Variants in ARHGEF19 observed in about 807,000 individuals in gnomAD.
ARHGEF19 encodes the protein Rho guanine nucleotide exchange factor (GEF) 19.
In ARHGEF19, 92 loss-of-function variants were observed where a neutral mutation model predicts 87.6. The observed-to-expected ratio is 1.05, with a 90% CI of 0.89 to 1.25. The LOEUF (loss-of-function observed/expected upper bound fraction) is 1.25. ARHGEF19 is among the 50% of genes most tolerant of loss of function. ARHGEF19 has a pLI of 0.00. For synonymous variants in ARHGEF19, 438 were observed against 446.2 expected (o/e 0.98, Z 0.23); for missense variants, 1,054 against 1,051.8 (o/e 1.00, Z -0.03).
At chr1:16,204,393 C>T (rs527361549) in intron 12 of ARHGEF19, among the ~76,000 whole-genome samples, 1 of 152,302 alleles carries the variant, frequency 6.6e-6, no homozygotes, top group South Asian at 2.1e-4. Context: ...AGGGAATAAT[C>T]CACGTAGCAT....
intron 1 of ARHGEF19, among the ~76,000 whole-genome samples, chr1:16,210,941 G>T (rs2081191722): frequency 6.6e-6 from 1 of 152,122 alleles, no homozygotes; most frequent in Admixed American, 6.5e-5. Flanking sequence ...CAGTCTCTCT[G>T]CACAGCTTCT....
intron 1 of ARHGEF19, among the ~76,000 whole-genome samples, chr1:16,209,409 C>T (rs749723350): frequency 3.9e-5 from 6 of 152,120 alleles, no homozygotes; most frequent in Non-Finnish European, 7.4e-5. Context: ...CTAACCTGGC[C>T]GTTCTAGCTT....
Position 16,206,106 on chromosome 1 carries a change from G to A in ARHGEF19, c.1299-23C>T. ...AACCTGAGGAGTCAGAGCCAGGATGGAGACCCCAGATCTGGGAGCTGGCCA... is the reference window on the plus strand; with the variant it reads ...AACCTGAGGAGTCAGAGCCAGGATGAAGACCCCAGATCTGGGAGCTGGCCA... On this transcript the variant is annotated intron_variant, in intron 7 of 15. Transcript: ENST00000270747. The surrounding 1 kb of genome is among the most constrained non-coding windows in gnomAD (Gnocchi z 4.6). 2 of 1,574,544 alleles carry A rather than the reference G, an allele frequency of 1.3e-6. No homozygotes were observed. Among genetic ancestry groups the A allele is most frequent in the South Asian group, 1.2e-5 (1 of 86,266 alleles).
Position 16,202,429 on chromosome 1 carries a change from G to T in ARHGEF19, c.2053C>A (p.Arg685=). ...GQHMKHQFLL[R]ARTESEKQRW... is the part of the protein sequence containing the mutation. Reference sequence around the variant, plus strand: ...AGGCCCACTCACTCCGTCCGGGCCCGCAGCAGGAACTGGTGCTTCATGTGC... The same window carrying T: ...AGGCCCACTCACTCCGTCCGGGCCCTCAGCAGGAACTGGTGCTTCATGTGC... The change falls in exon 13 of 16, where the codon CGG becomes AGG. Residue 685 remains arginine, a synonymous_variant. Coordinates refer to ENST00000270747, the MANE Select transcript of ARHGEF19 (RefSeq NM_153213.5). The T allele has an allele frequency of 6.2e-7, 1 of 1,613,346 alleles. No homozygotes were observed. Among genetic ancestry groups the T allele is most frequent in the Non-Finnish European group, 8.5e-7 (1 of 1,179,732 alleles).
intron 1 of ARHGEF19, 60 bp from the exon 2 acceptor site, chr1:16,209,143 C>T (rs556107806): frequency 6.2e-5 from 82 of 1,328,562 alleles, no homozygotes; most frequent in Non-Finnish European, 8.0e-5. Flanking sequence ...AGTAAGCCAC[C>T]ACCCCTGGAG....
In ARHGEF19 at chr1:16,206,844, C is replaced by A. The variant is rs1348768103; in HGVS notation, c.1137+104G>T. On this transcript the variant is annotated intron_variant, in intron 6 of 15. Coordinates refer to ENST00000270747, the MANE Select transcript of ARHGEF19 (RefSeq NM_153213.5). The surrounding 1 kb of genome is among the most constrained non-coding windows in gnomAD (Gnocchi z 4.6). ...CGCGCGGACAGTCGCGCCAGCAACC[C>A]CCTTTGTGTGTCCCCCTCCCTCTAT... The A allele has an allele frequency of 3.0e-6, 4 of 1,323,314 alleles. No individual in the cohort carries two copies. Among genetic ancestry groups the A allele is most frequent in the Non-Finnish European group, 9.8e-7 (1 of 1,024,988 alleles). The allele number at this position is 1,323,314 out of a possible 1,614,324, so 82.0% of individuals were successfully genotyped here. A position where few individuals can be genotyped will look rare whatever the true frequency, so the allele number is the denominator to read the frequency against.
In ARHGEF19 at chr1:16,205,537, C is replaced by T. The variant is rs750125988; in HGVS notation, c.1581+1G>A. The T allele has an allele frequency of 2.1e-5, 34 of 1,613,906 alleles. No individual in the cohort carries two copies. The highest frequency in any genetic ancestry group is 2.8e-5 in the Non-Finnish European group (33 of 1,179,978). Reference sequence around the variant, plus strand: ...CACTGTGGCCTGTCCCCTCGAGGTACCTCCACCAACATCTTGAGGCGGGTG... The same window carrying T: ...CACTGTGGCCTGTCCCCTCGAGGTATCTCCACCAACATCTTGAGGCGGGTG... On this transcript the variant is annotated splice_donor_variant, in intron 9 of 15. Transcript: ENST00000270747. LOFTEE classifies it high-confidence loss of function. This position sits in a 1 kb window ranked among gnomAD's most constrained non-coding sequence, Gnocchi z 5.8.
Position 16,206,024 on chromosome 1 carries a change from T to A in ARHGEF19, c.1358A>T (p.Asp453Val). The change falls in exon 8 of 16, where the codon GAC (aspartate) becomes GTC (valine). Residue 453 changes from aspartate to valine, a missense_variant. Asp to Val is a radical substitution (Grantham distance 152). Transcript: ENST00000270747. The surrounding 1 kb of genome is among the most constrained non-coding windows in gnomAD (Gnocchi z 4.6). Reference sequence around the variant, plus strand: ...GGCCGGGCAGTGGTCCAGCACCACGTCGCACACGCTGAAGCGCAGCACATC... The same window carrying A: ...GGCCGGGCAGTGGTCCAGCACCACGACGCACACGCTGAAGCGCAGCACATC... ...EADVLRFSVC[D>V]VVLDHCPAFR... is the part of the protein sequence containing the mutation. 1 of 1,599,444 alleles carries A rather than the reference T, an allele frequency of 6.3e-7. No individual in the cohort carries two copies.
intron 12 of ARHGEF19, among the ~76,000 whole-genome samples, chr1:16,204,361 A>T (rs2081106080): frequency 6.6e-6 from 1 of 152,170 alleles, no homozygotes; most frequent in Non-Finnish European, 1.5e-5. Context: ...CCTATTTCCC[A>T]GGGAGGTATT....
In ARHGEF19 at chr1:16,205,590, G is replaced by T. The variant is rs749315112; in HGVS notation, c.1529C>A (p.Ser510Tyr). Residue 510 changes from serine to tyrosine, a missense_variant, in exon 9 of 16, where the codon TCC becomes TAC. By Grantham distance (144) the Ser-to-Tyr change is moderately radical. Transcript: ENST00000270747. The surrounding 1 kb of genome is among the most constrained non-coding windows in gnomAD (Gnocchi z 5.8). ...SPVCQRLPLTSFLILPFQRIT... is the reference protein window; with the variant it reads ...SPVCQRLPLTYFLILPFQRIT... ...CCTCTGGAAGGGCAGGATAAGGAAG[G>T]AGGTAAGGGGCAGACGCTGGCACAC... 6.2e-7 allele frequency: 1 copy of T among 1,614,068 alleles called. No homozygotes were observed. Among genetic ancestry groups the T allele is most frequent in the East Asian group, 2.2e-5 (1 of 44,878 alleles).
Position 16,201,848 on chromosome 1 carries a change from G to A in ARHGEF19, c.2080C>T (p.Arg694Ter), listed in dbSNP as rs765929754. The A allele has an allele frequency of 1.3e-5, 21 of 1,613,594 alleles. No homozygotes were observed. The highest frequency in any genetic ancestry group is 4.0e-5 in the African/African-American group (3 of 74,904). The change falls in exon 14 of 16, where the codon CGA (arginine) becomes TGA (stop). Residue 694 changes from arginine to a stop codon, truncating the protein, a stop_gained. Transcript: ENST00000270747. LOFTEE classifies it high-confidence loss of function. ...GAGGGGCACAAGGCTGAGATCCATC[G>A]CTGCTTCTCACTTCTAGGGAAGGGG... ...LRARTESEKQ[R>*]WISALCPSSP...
At position 16,206,102 on chromosome 1, in the gene ARHGEF19, G is replaced by A. The variant is rs779447306; in HGVS notation, c.1299-19C>T. On this transcript the variant is annotated intron_variant, in intron 7 of 15. Transcript: ENST00000270747. The surrounding 1 kb of genome is among the most constrained non-coding windows in gnomAD (Gnocchi z 4.6). ...CAGGAACCTGAGGAGTCAGAGCCAG[G>A]ATGGAGACCCCAGATCTGGGAGCTG... 3.2e-6 allele frequency: 5 copies of A among 1,575,180 alleles called. No individual in the cohort carries two copies. In the South Asian group the frequency reaches 5.8e-5, roughly 18 times the overall value.
At chr1:16,211,518 AGAG>A (rs1408215664) in intron 1 of ARHGEF19, among the ~76,000 whole-genome samples, 2 of 152,240 alleles carry the variant, frequency 1.3e-5, no homozygotes, top group Non-Finnish European at 2.9e-5. Context: ...TTAAGGCTGC[AGAG>A]GAGAAGGCTA....
chr1:16,207,830 TG>T lies in ARHGEF19; in HGVS notation c.695-54del. Reference sequence around the variant, plus strand: ...GGGTCCAGAGAGTGGGCCTGGGGCCTGGGCCCCGGCCCAGGCACCCTGACGG... The same window carrying T: ...GGGTCCAGAGAGTGGGCCTGGGGCCTGGCCCCGGCCCAGGCACCCTGACGG... On this transcript the variant is annotated intron_variant, in intron 3 of 15. Coordinates refer to ENST00000270747, the MANE Select transcript of ARHGEF19 (RefSeq NM_153213.5). This position sits in a 1 kb window ranked among gnomAD's most constrained non-coding sequence, Gnocchi z 4.0. 6.3e-7 allele frequency: 1 copy of T among 1,596,128 alleles called. No homozygotes were observed. The highest frequency in any genetic ancestry group is 8.5e-7 in the Non-Finnish European group (1 of 1,171,520).
In ARHGEF19 at chr1:16,207,781, G is replaced by A; in HGVS notation, c.695-4C>T. The A allele has an allele frequency of 6.2e-7, 1 of 1,613,528 alleles. No homozygotes were observed. Among genetic ancestry groups the A allele is most frequent in the Non-Finnish European group, 8.5e-7 (1 of 1,180,002 alleles). ...GCCTCCATTCCAGATGCTTTCCCTGGAGAGGGCGAGAACTGAGGGTGGGGG... is the reference window on the plus strand; with the variant it reads ...GCCTCCATTCCAGATGCTTTCCCTGAAGAGGGCGAGAACTGAGGGTGGGGG... On this transcript the variant is annotated splice_region_variant and splice_polypyrimidine_tract_variant and intron_variant, in intron 3 of 15. Transcript: ENST00000270747. This position sits in a 1 kb window ranked among gnomAD's most constrained non-coding sequence, Gnocchi z 4.0.
At chr1:16,199,288 G>C in intron 14 of ARHGEF19, 34 bp from the exon 15 acceptor site, 3 of 1,602,868 alleles carry the variant, frequency 1.9e-6, no homozygotes, top group South Asian at 1.1e-5. Flanking sequence ...GGAGTCCCAA[G>C]GGCAGGATGG....
At chr1:16,201,290 C>G (rs146638742) in intron 14 of ARHGEF19, among the ~76,000 whole-genome samples, 1 of 152,142 alleles carries the variant, frequency 6.6e-6, no homozygotes, top group African/African-American at 2.4e-5. Flanking sequence ...ATGATTAGGT[C>G]GCACCCTGGC....
chr1:16,202,486 G>A lies in ARHGEF19; in HGVS notation c.1996C>T (p.His666Tyr). ...LSLKLQGIPG[H>Y]VFLLQLLHGQ... ...TGGAGGAGCTGGAGGAGGAACACGTGGCCGGGGATGCCCTGCAGCTTCAGG... is the reference window on the plus strand; with the variant it reads ...TGGAGGAGCTGGAGGAGGAACACGTAGCCGGGGATGCCCTGCAGCTTCAGG... Residue 666 changes from histidine to tyrosine, a missense_variant, in exon 13 of 16, where the codon CAC becomes TAC. Coordinates refer to ENST00000270747, the MANE Select transcript of ARHGEF19 (RefSeq NM_153213.5). 6.2e-7 allele frequency: 1 copy of A among 1,614,194 alleles called. No individual in the cohort carries two copies. Among genetic ancestry groups the A allele is most frequent in the Non-Finnish European group, 8.5e-7 (1 of 1,180,034 alleles).
rs1178428072 is a variant in ARHGEF19, at chr1:16,206,968, G to A, written c.1117C>T (p.Arg373Trp). Reference protein sequence around the residue: ...GSGVLATLSLRDCKLQEAKFE... With the variant: ...GSGVLATLSLWDCKLQEAKFE... Reference sequence around the variant, plus strand: ...CCCACCTCCTGCAGCTTGCAGTCCCGCAGGCTCAGCGTGGCCAGGACGCCG... The same window carrying A: ...CCCACCTCCTGCAGCTTGCAGTCCCACAGGCTCAGCGTGGCCAGGACGCCG... Residue 373 changes from arginine to tryptophan, a missense_variant, in exon 6 of 16, where the codon CGG becomes TGG. Coordinates refer to ENST00000270747, the MANE Select transcript of ARHGEF19 (RefSeq NM_153213.5). The surrounding 1 kb of genome is among the most constrained non-coding windows in gnomAD (Gnocchi z 4.6). The A allele has an allele frequency of 6.9e-7, 1 of 1,457,478 alleles. No individual in the cohort carries two copies. Among genetic ancestry groups the A allele is most frequent in the Non-Finnish European group, 9.1e-7 (1 of 1,104,170 alleles). The allele number at this position is 1,457,478 out of a possible 1,614,324, so 90.3% of individuals were successfully genotyped here.
Sources: allele counts gnomAD v4.1 joint callset (sites outside exome capture counted in the v4.1 genomes callset), GRCh38; gene constraint gnomAD v4.1.1; non-coding constraint Gnocchi (gnomAD v3.1); transcripts MANE v1.5; gene names NCBI Gene and HGNC (gene_info 2026-07-23, HGNC 2026-07-21).